SULT6B1: variants seen among roughly 807,000 people sequenced by gnomAD.
SULT6B1 encodes sulfotransferase 6B1.
SULT6B1 carries 44 observed loss-of-function variants against 37.2 expected under a neutral mutation model. The observed-to-expected ratio is 1.18, with a 90% confidence interval of 0.93 to 1.52. The LOEUF is 1.52. Among genes scored for constraint, SULT6B1 ranks in the 40% most tolerant of loss-of-function variants. The pLI is 0.00. For synonymous variants in SULT6B1, 140 were observed against 126.0 expected, an observed-to-expected ratio of 1.11 and a Z score of -0.74; for missense variants, 450 against 361.0, an observed-to-expected ratio of 1.25 and a Z score of -2.00.
intron 5 of SULT6B1, among the ~76,000 whole-genome samples, chr2:37,174,420 A>G (rs1030620394): frequency 1.3e-5 from 2 of 150,820 alleles, no homozygotes; most frequent in African/African-American, 2.4e-5. Flanking sequence ...GTGGTCTCGA[A>G]CTCCTGGCCT....
At chr2:37,192,248 A>T (rs1676794490), upstream of SULT6B1, among the ~76,000 whole-genome samples, 1 of 152,246 alleles carries the variant, frequency 6.6e-6, no homozygotes, top group Non-Finnish European at 1.5e-5. Flanking sequence ...ATATGTAAAC[A>T]TATGGAAACA....
intron 6 of SULT6B1, 99 bp from the exon 7 acceptor site, chr2:37,168,164 T>C (rs1314163586): frequency 1.7e-6 from 2 of 1,203,574 alleles, no homozygotes; most frequent in African/African-American, 1.6e-5. Context: ...TATGTTAAAA[T>C]GGACACATGG....
intron 3 of SULT6B1, among the ~76,000 whole-genome samples, chr2:37,182,777 T>A (rs1360101627): frequency 6.6e-6 from 1 of 152,044 alleles, no homozygotes; most frequent in East Asian, 1.9e-4. Flanking sequence ...AAGAAATATA[T>A]CAATACTGAT....
upstream of SULT6B1, among the ~76,000 whole-genome samples, chr2:37,190,901 G>C (rs528608001): frequency 3.4e-3 from 517 of 152,186 alleles, 6 homozygotes; most frequent in Non-Finnish European, 4.6e-3. Flanking sequence ...TGTAGTTGGG[G>C]CTCTGCACTT....
upstream of SULT6B1, among the ~76,000 whole-genome samples, chr2:37,191,541 T>C (rs2148302975): frequency 6.6e-6 from 1 of 152,332 alleles, no homozygotes; most frequent in South Asian, 2.1e-4. Context: ...ACAGCCTTTT[T>C]TGTACCCACA....
intron 2 of SULT6B1, among the ~76,000 whole-genome samples, chr2:37,185,221 A>C (rs1676645241): frequency 6.6e-6 from 1 of 152,210 alleles, no homozygotes; most frequent in East Asian, 1.9e-4. Flanking sequence ...AAAAGCACCC[A>C]AGGGAAAAAT....
chr2:37,186,555 AT>A lies in SULT6B1; in HGVS notation c.312+799del, dbSNP rs1676677123. On this transcript the variant is annotated intron_variant, in intron 2 of 6. Transcript: ENST00000535679. ...CTGAGCTAATGCTTGATTCCTTCCC[AT>A]CCCTTACACACACGTGAATCATAAC... Among the ~76,000 whole-genome samples, 4 of 151,952 alleles carry A rather than the reference AT, an allele frequency of 2.6e-5. No homozygotes were observed. The South Asian group carries it at 8.3e-4, about 32-fold the overall frequency.
intron 6 of SULT6B1, among the ~76,000 whole-genome samples, chr2:37,169,646 G>A (rs977922180): frequency 4.6e-5 from 7 of 151,960 alleles, no homozygotes; most frequent in African/African-American, 9.7e-5. Context: ...CCGCCACCAC[G>A]TCCAGCCCGA....
rs752091705 is a variant in SULT6B1, at chr2:37,171,467, G to C, written c.748C>G (p.His250Asp). The C allele has an allele frequency of 1.9e-6, 3 of 1,614,142 alleles. No homozygotes were observed. The Admixed American group carries it at 5.0e-5, about 27-fold the overall frequency. ...AAAAGGAATGGGCCGACAGCACCGTGTGTGTCCTGAGACTTCGCACGCATG... is the reference window on the plus strand; with the variant it reads ...AAAAGGAATGGGCCGACAGCACCGTCTGTGTCCTGAGACTTCGCACGCATG... ...QAMRAKSQDT[H>D]GAVGPFLFRK... Residue 250 changes from histidine (H) to aspartate (D), a missense_variant, in exon 6 of 7, where the codon CAC becomes GAC. His to Asp is a moderately conservative substitution (Grantham distance 81, BLOSUM62 -1). Coordinates refer to ENST00000535679, the MANE Select transcript of SULT6B1 (RefSeq NM_001367551.1).
At chr2:37,195,305 G>A (rs142842644) in intron 1 of SULT6B1, among the ~76,000 whole-genome samples, 1 of 152,104 alleles carries the variant, frequency 6.6e-6, no homozygotes, top group Non-Finnish European at 1.5e-5. Flanking sequence ...CTGATATTCT[G>A]GTATTTCAAA....
At chr2:37,194,897 T>TTTCCTTCCTTCC (rs376397934) in intron 1 of SULT6B1, among the ~76,000 whole-genome samples, 153 of 68,532 alleles carry the variant, frequency 2.2e-3, no homozygotes, top group Non-Finnish European at 3.2e-3. Context: ...TCCTTCCTTC[T>TTTCCTTCCTTCC]TTCCTTCCTT....
Position 37,194,906 on chromosome 2 carries a change from TTCCTTCCTTCC to T in SULT6B1, c.-22+1599_-22+1609del, listed in dbSNP as rs1558455823. ...CTTCCTTCCTTCCTTCTTTCCTTCC[TTCCTTCCTTCC>T]TTCCTTCCTTCCTTCCTTCCTTCCT... On this transcript the variant is annotated intron_variant, in intron 1 of 7. Transcript: ENST00000407963. 1.8e-3 allele frequency among the ~76,000 whole-genome samples: 47 copies of T among 25,654 alleles called. 4 individuals carry two copies. Among genetic ancestry groups the T allele is most frequent in the African/African-American group, 8.0e-3 (44 of 5,494 alleles). 16.8% of individuals were successfully genotyped at this position (25,654 alleles called of 152,430 possible).
At chr2:37,173,081 G>C (rs572036430) in intron 5 of SULT6B1, among the ~76,000 whole-genome samples, 177 of 151,504 alleles carry the variant, frequency 1.2e-3, no homozygotes, top group African/African-American at 4.3e-3. Flanking sequence ...TCGAACTCCC[G>C]ACCTCAGGTG....
intron 1 of SULT6B1, among the ~76,000 whole-genome samples, chr2:37,194,160 C>T (rs1213305596): frequency 1.3e-5 from 2 of 151,928 alleles, no homozygotes; most frequent in African/African-American, 4.8e-5. Flanking sequence ...AGTTCTCATC[C>T]ACATTGACTG....
rs561455217 is a variant in SULT6B1 at position 37,179,524 on chromosome 2, C to G, written c.463G>C (p.Asp155His). 3.2e-5 allele frequency: 52 copies of G among 1,613,830 alleles called. No individual in the cohort carries two copies. The highest frequency in any genetic ancestry group is 2.2e-4 in the Admixed American group (13 of 59,982). The part of the protein sequence containing the change: ...TAVSFLHFHN[D>H]VPDIPSYGSW... ...CCATAGCTTGGAATATCGGGGACAT[C>G]GTTGTGGAAATGCAAAAAAGATACT... Residue 155 changes from aspartate to histidine, a missense_variant, in exon 4 of 7, where the codon GAT (aspartate) becomes CAT (histidine). Coordinates refer to ENST00000535679, the MANE Select transcript of SULT6B1 (RefSeq NM_001367551.1).
At chr2:37,176,260 CTTTT>C (rs34578951) in intron 4 of SULT6B1, among the ~76,000 whole-genome samples, 1 of 112,586 alleles carries the variant, frequency 8.9e-6, no homozygotes. Context: ...CACGCAATAG[CTTTT>C]TTTTTTTTTT....
intron 6 of SULT6B1, among the ~76,000 whole-genome samples, chr2:37,170,996 C>T (rs1048842077): frequency 5.3e-5 from 8 of 151,802 alleles, no homozygotes; most frequent in Admixed American, 2.0e-4. Flanking sequence ...CCCAGCACTT[C>T]GGGAGGCCAA....
intron 6 of SULT6B1, among the ~76,000 whole-genome samples, chr2:37,171,182 G>C (rs1022903296): frequency 1.3e-5 from 2 of 152,198 alleles, no homozygotes; most frequent in Non-Finnish European, 2.9e-5. Flanking sequence ...GGAGGTTGCA[G>C]TGAGCTGAGA....
intron 4 of SULT6B1, among the ~76,000 whole-genome samples, chr2:37,175,991 T>C (rs1048777363): frequency 6.6e-6 from 1 of 152,216 alleles, no homozygotes; most frequent in Non-Finnish European, 1.5e-5. Context: ...TTTTTTAAAA[T>C]GAGAAATTTA....
Sources: allele counts gnomAD v4.1 joint callset (sites outside exome capture counted in the v4.1 genomes callset), GRCh38; gene constraint gnomAD v4.1.1; transcripts MANE v1.5; gene names NCBI Gene and HGNC (gene_info 2026-07-23, HGNC 2026-07-21).